TMEM120A: variants seen among roughly 807,000 people sequenced by gnomAD.
TMEM120A encodes the protein ion channel TACAN.
Under a neutral mutation model 54.3 loss-of-function variants are expected in TMEM120A, and 45 were observed. The ratio of observed to expected loss-of-function variants is 0.83; its 90% CI spans 0.65 to 1.06. The LOEUF (loss-of-function observed/expected upper bound fraction) is 1.06. TMEM120A is among the 50% of genes least tolerant of loss of function. The pLI, the probability that TMEM120A is intolerant of heterozygous loss-of-function variation, is 0.00. For synonymous variants in TMEM120A, 204 were observed against 178.5 expected (o/e 1.14, Z -1.14); for missense variants, 424 against 441.7 (o/e 0.96, Z 0.36).
Position 75,987,711 on chromosome 7 carries a change from G to A in TMEM120A, c.784+7C>T, listed in dbSNP as rs558669696. On this transcript the variant is annotated splice_region_variant and intron_variant, in intron 9 of 11. Coordinates refer to ENST00000493111, the MANE Select transcript of TMEM120A (RefSeq NM_031925.3). Reference sequence around the variant, plus strand: ...ATGTCCAGATGCCAGGGCCACTCCCGACTCACCCACAGTGAGGTCCATGGT... The same window carrying A: ...ATGTCCAGATGCCAGGGCCACTCCCAACTCACCCACAGTGAGGTCCATGGT... 1.7e-5 allele frequency: 28 copies of A among 1,611,916 alleles called. No homozygotes were observed. Among genetic ancestry groups the A allele is most frequent in the Middle Eastern group, 1.7e-4 (1 of 6,060 alleles).
At chr7:75,994,078 A>G (rs567970864) in intron 1 of TMEM120A, among the ~76,000 whole-genome samples, 112 of 150,692 alleles carry the variant, frequency 7.4e-4, no homozygotes, top group African/African-American at 2.5e-3. Flanking sequence ...GGCGTCCCCC[A>G]TCCAGGCCGA....
chr7:75,991,126 T>G (rs1789829225), intron 3 of TMEM120A, among the ~76,000 whole-genome samples: 1 of 152,230 alleles, frequency 6.6e-6, no homozygotes, highest in South Asian at 2.1e-4. Context: ...GCTATCTCCC[T>G]GCCTGCAGCC....
At position 75,988,254 on chromosome 7, in the gene TMEM120A, G is replaced by A; in HGVS notation, c.561C>T (p.Ser187=). 1 of 1,612,026 alleles carries A rather than the reference G, an allele frequency of 6.2e-7. No homozygotes were observed. The highest frequency in any genetic ancestry group is 8.5e-7 in the Non-Finnish European group (1 of 1,179,866). The stretch of plus-strand genomic sequence containing the variant: ...CCCTCAGGGCCCGCCCTGCCCACCG[G>A]GAGCCGTTGTTGATGAGGATGCTCT... ...IRESILINNG[S]RIKGWWVFHH... is the part of the protein sequence containing the mutation. Residue 187 remains serine (S), a splice_region_variant and synonymous_variant, in exon 6 of 12, where the codon TCC becomes TCT. Coordinates refer to ENST00000493111, the MANE Select transcript of TMEM120A (RefSeq NM_031925.3).
chr7:75,988,391 G>T (rs1789642578), intron 5 of TMEM120A, 30 bp downstream of exon 5: 2 of 1,609,400 alleles, frequency 1.2e-6, no homozygotes, highest in Admixed American at 1.7e-5. Context: ...TGGGGATGGG[G>T]TGGGTCCTCG....
chr7:75,988,424 G>T lies in TMEM120A; in HGVS notation c.470C>A (p.Ser157Tyr). 1 of 1,611,460 alleles carries T rather than the reference G, an allele frequency of 6.2e-7. No individual in the cohort carries two copies. Among genetic ancestry groups the T allele is most frequent in the African/African-American group, 1.3e-5 (1 of 74,740 alleles). The change falls in exon 5 of 12, where the codon TCC becomes TAC. Residue 157 changes from serine to tyrosine, a missense_variant. Coordinates refer to ENST00000493111, the MANE Select transcript of TMEM120A (RefSeq NM_031925.3). ...ISFTCRFLLN[S>Y]RVTDAAFNFL... is the part of the protein sequence containing the mutation. ...TCGGCCGGGGTGGGACGCCCACCTGGAGTTGAGCAGGAAGCGGCAAGTGAA... is the reference window on the plus strand; with the variant it reads ...TCGGCCGGGGTGGGACGCCCACCTGTAGTTGAGCAGGAAGCGGCAAGTGAA...
intron 3 of TMEM120A, among the ~76,000 whole-genome samples, chr7:75,989,500 G>A (rs1554561385): frequency 3.0e-5 from 1 of 33,080 alleles, no homozygotes. Flanking sequence ...CCCACCTCAG[G>A]GCACCAAGAG....
chr7:75,991,394 T>A (rs1765850226), intron 3 of TMEM120A, among the ~76,000 whole-genome samples: 1 of 151,974 alleles, frequency 6.6e-6, no homozygotes, highest in Non-Finnish European at 1.5e-5. Flanking sequence ...TCTGCCTCAT[T>A]TTTTTTATTT....
At position 75,987,024 on chromosome 7, in the gene TMEM120A, G is replaced by C; in HGVS notation, c.*148C>G. Reference sequence around the variant, plus strand: ...TCTTTATTGAGGGCACTGGGCCCAGGTCTTCCTTCAGGGCCCACAGCGCCC... The same window carrying C: ...TCTTTATTGAGGGCACTGGGCCCAGCTCTTCCTTCAGGGCCCACAGCGCCC... On this transcript the variant is annotated 3_prime_UTR_variant, in exon 12 of 12. Coordinates refer to ENST00000493111, the MANE Select transcript of TMEM120A (RefSeq NM_031925.3). 1.5e-6 allele frequency: 1 copy of C among 687,450 alleles called. No homozygotes were observed. Among genetic ancestry groups the C allele is most frequent in the South Asian group, 1.8e-5 (1 of 54,190 alleles). 42.6% of individuals were successfully genotyped at this position (687,450 alleles called of 1,614,324 possible). A position where few individuals can be genotyped will look rare whatever the true frequency, so the allele number is the denominator to read the frequency against.
At chr7:75,990,031 G>T (rs936330399) in intron 3 of TMEM120A, among the ~76,000 whole-genome samples, 2 of 152,158 alleles carry the variant, frequency 1.3e-5, no homozygotes, top group African/African-American at 4.8e-5. Context: ...GCTCAGCATG[G>T]TTAGGCAATT....
chr7:75,994,553 C>T lies in TMEM120A; in HGVS notation c.18G>A (p.Pro6=), dbSNP rs782400613. The change falls in exon 1 of 12, where the codon CCG becomes CCA. Residue 6 remains proline, a synonymous_variant. Transcript: ENST00000493111. The stretch of plus-strand genomic sequence containing the variant: ...CCCGCAGGCAGTCGCCCAGCGGGCC[C>T]GGGGGCGGGGGCTGCATGGCTGCAG... The part of the protein sequence containing the change: MQPPP[P]GPLGDCLRDW... 3 of 1,550,090 alleles carry T rather than the reference C, an allele frequency of 1.9e-6. No individual in the cohort carries two copies. Among genetic ancestry groups the T allele is most frequent in the Non-Finnish European group, 2.6e-6 (3 of 1,148,226 alleles).
Position 75,987,116 on chromosome 7 carries a change from C to A in TMEM120A, c.*56G>T. 6.9e-7 allele frequency: 1 copy of A among 1,453,032 alleles called. No individual in the cohort carries two copies. Among genetic ancestry groups the A allele is most frequent in the East Asian group, 2.5e-5 (1 of 40,804 alleles). The allele number at this position is 1,453,032 out of a possible 1,614,324, so 90.0% of individuals were successfully genotyped here. ...CACACTCGAGGGGCGCCTCCCATCC[C>A]CTCCCACAACACACAGGACAGAAGC... On this transcript the variant is annotated 3_prime_UTR_variant, in exon 12 of 12. Transcript: ENST00000493111.
intron 4 of TMEM120A, 45 bp downstream of exon 4, chr7:75,989,120 G>GGGGGGA (rs1789729016): frequency 3.2e-6 from 2 of 618,236 alleles, no homozygotes; most frequent in Admixed American, 2.4e-5. Flanking sequence ...AGGGGGCTAG[G>GGGGGGA]GGTGGAGGGG....
chr7:75,991,318 C>G (rs1166749151), intron 3 of TMEM120A, among the ~76,000 whole-genome samples: 2 of 152,148 alleles, frequency 1.3e-5, no homozygotes. Flanking sequence ...CCCGCCCCGA[C>G]CTCTGGCCAC....
At chr7:75,990,876 C>T (rs987559643) in intron 3 of TMEM120A, among the ~76,000 whole-genome samples, 4 of 134,932 alleles carry the variant, frequency 3.0e-5, no homozygotes, top group Admixed American at 8.3e-5. Context: ...TCCAGCCTAG[C>T]GACAGAGTGA....
chr7:75,986,935 GT>G lies in TMEM120A; in HGVS notation c.*236del. On this transcript the variant is annotated 3_prime_UTR_variant, in exon 12 of 12. Transcript: ENST00000493111. ...AACTCAGACCCCAGGAACCCATGTG[GT>G]GGGGCCACCCAGCCCTCCCCTCCCC... The G allele has an allele frequency of 1.7e-6, 1 of 596,958 alleles. No individual in the cohort carries two copies. The highest frequency in any genetic ancestry group is 3.0e-6 in the Non-Finnish European group (1 of 336,508). The allele number at this position is 596,958 out of a possible 1,614,324, so 37.0% of individuals were successfully genotyped here.
chr7:75,991,464 G>A (rs1789841977), intron 3 of TMEM120A, among the ~76,000 whole-genome samples: 1 of 152,054 alleles, frequency 6.6e-6, no homozygotes, highest in Non-Finnish European at 1.5e-5. Flanking sequence ...ACAGTCCGGT[G>A]GTGCGATCTC....
chr7:75,992,400 C>A, intron 2 of TMEM120A, 39 bp downstream of exon 2: 1 of 1,585,202 alleles, frequency 6.3e-7, no homozygotes, highest in East Asian at 2.3e-5. Context: ...CCTCCCACCC[C>A]ACACTCTGCC....
intron 1 of TMEM120A, among the ~76,000 whole-genome samples, chr7:75,993,748 G>A (rs1303740161): frequency 5.3e-5 from 8 of 152,158 alleles, no homozygotes; most frequent in East Asian, 1.9e-4. Flanking sequence ...CCCAGCACGT[G>A]CCACTTCTGC....
chr7:75,987,872 C>T (rs1789601062), intron 8 of TMEM120A, 51 bp downstream of exon 8: 1 of 1,598,124 alleles, frequency 6.3e-7, no homozygotes, highest in African/African-American at 1.3e-5. Context: ...CTGCCCCTGC[C>T]CCCCACCACG....
Sources: gnomAD v4.1 joint callset for allele counts (sites outside exome capture counted in the v4.1 genomes callset) on GRCh38, gnomAD v4.1.1 for gene constraint, MANE v1.5 for transcripts, NCBI Gene and HGNC (gene_info 2026-07-23, HGNC 2026-07-21) for gene names.